Variants in DIS3L2 observed in about 807,000 individuals in gnomAD.
DIS3L2 encodes DIS3-like exonuclease 2.
DIS3L2 carries 34 observed loss-of-function variants against 97.5 expected under a neutral mutation model. That is an observed-to-expected ratio of 0.35 (90% CI 0.27 to 0.46). The LOEUF is 0.46. Among genes scored for constraint, DIS3L2 ranks in the 20% least tolerant of loss-of-function variants. The pLI is 1.00. For synonymous variants in DIS3L2, 435 were observed against 445.2 expected, an observed-to-expected ratio of 0.98 and a Z score of 0.29; for missense variants, 1,038 against 1,146.0, an observed-to-expected ratio of 0.91 and a Z score of 1.36.
intron 14 of DIS3L2, among the ~76,000 whole-genome samples, chr2:232,308,969 C>T (rs568947646): frequency 9.2e-5 from 14 of 152,238 alleles, no homozygotes; most frequent in South Asian, 2.1e-4. Flanking sequence ...GATTAATGTA[C>T]GAGAGGTGTT....
intron 1 of DIS3L2, among the ~76,000 whole-genome samples, chr2:231,973,231 A>G (rs1692973418): frequency 6.6e-6 from 1 of 152,170 alleles, no homozygotes; most frequent in South Asian, 2.1e-4. Context: ...TATTACTTGA[A>G]CGAACTTAAC....
chr2:232,315,927 A>T lies in DIS3L2; in HGVS notation c.1740-13886A>T, dbSNP rs187472529. 1.2e-3 allele frequency among the ~76,000 whole-genome samples: 185 copies of T among 152,126 alleles called. 2 individuals are homozygous for T. The highest frequency in any genetic ancestry group is 4.0e-3 in the African/African-American group (166 of 41,482). ...GCCAACCCCATGTGACCCCACACCT[A>T]CCCCAAAGCTAGGTGAGACCCAGGG... is the stretch of plus-strand genomic sequence containing the variant. On this transcript the variant is annotated intron_variant, in intron 14 of 20. Transcript: ENST00000325385.
intron 6 of DIS3L2, among the ~76,000 whole-genome samples, chr2:232,116,293 A>G (rs1019149809): frequency 3.3e-5 from 5 of 152,232 alleles, no homozygotes; most frequent in Admixed American, 1.3e-4. Context: ...CGAGCCAGTC[A>G]AGTAGCTCTT....
At chr2:232,130,780 A>T in intron 7 of DIS3L2, 61 bp downstream of exon 7, 2 of 1,596,030 alleles carry the variant, frequency 1.3e-6, no homozygotes, top group Non-Finnish European at 1.7e-6. Context: ...TACTTGTTGA[A>T]GATCTCGTGT....
At chr2:232,220,828 C>T (rs1369338083) in intron 10 of DIS3L2, among the ~76,000 whole-genome samples, 1 of 151,992 alleles carries the variant, frequency 6.6e-6, no homozygotes, top group Admixed American at 6.6e-5. Flanking sequence ...TTAGGCTGGG[C>T]ATGGTGGCTC....
chr2:231,984,659 C>T (rs1693361415), intron 1 of DIS3L2, among the ~76,000 whole-genome samples: 1 of 152,066 alleles, frequency 6.6e-6, no homozygotes, highest in East Asian at 1.9e-4. Flanking sequence ...TCCCAAAGTG[C>T]TGGGATTACA....
intron 13 of DIS3L2, among the ~76,000 whole-genome samples, chr2:232,278,449 G>A (rs540446382): frequency 2.0e-5 from 3 of 152,050 alleles, no homozygotes; most frequent in South Asian, 2.1e-4. Flanking sequence ...AAATTCCCAC[G>A]TGCCCCTCTG....
chr2:232,027,522 TAG>T (rs1382362899), intron 4 of DIS3L2, among the ~76,000 whole-genome samples: 1 of 152,172 alleles, frequency 6.6e-6, no homozygotes, highest in Non-Finnish European at 1.5e-5. Flanking sequence ...CTAAAGTTTT[TAG>T]AGAGACAAAA....
intron 9 of DIS3L2, among the ~76,000 whole-genome samples, chr2:232,169,509 A>G (rs907337669): frequency 2.0e-5 from 3 of 152,230 alleles, no homozygotes; most frequent in African/African-American, 7.2e-5. Flanking sequence ...TGCCAGGGTC[A>G]TTGGTGCATG....
chr2:232,166,646 G>A (rs1408696082), intron 9 of DIS3L2, among the ~76,000 whole-genome samples: 1 of 152,068 alleles, frequency 6.6e-6, no homozygotes, highest in Non-Finnish European at 1.5e-5. Flanking sequence ...AACCCGGGAG[G>A]CGGAGGTTGC....
intron 6 of DIS3L2, chr2:232,111,063 A>G: frequency 2.8e-6 from 1 of 360,320 alleles, no homozygotes; most frequent in Non-Finnish European, 5.7e-6. Flanking sequence ...TAGGAAATTA[A>G]TGATAGATGT....
intron 8 of DIS3L2, among the ~76,000 whole-genome samples, chr2:232,147,881 GA>G (rs751315585): frequency 4.6e-5 from 7 of 152,068 alleles, no homozygotes; most frequent in African/African-American, 7.2e-5. Flanking sequence ...TTTTCAAGGT[GA>G]CAGAAGAGTT....
At chr2:232,222,032 T>C (rs1444033331) in intron 10 of DIS3L2, among the ~76,000 whole-genome samples, 5 of 149,922 alleles carry the variant, frequency 3.3e-5, no homozygotes, top group Non-Finnish European at 5.9e-5. Flanking sequence ...AACCTCTGCT[T>C]CCTGGTTTCA....
At chr2:232,058,203 G>C (rs947201768) in intron 5 of DIS3L2, among the ~76,000 whole-genome samples, 2 of 152,218 alleles carry the variant, frequency 1.3e-5, no homozygotes, top group African/African-American at 4.8e-5. Flanking sequence ...GAGAGTGGTA[G>C]AGTCTTGAAG....
chr2:232,148,706 T>C (rs771834527), intron 8 of DIS3L2, among the ~76,000 whole-genome samples: 64 of 146,226 alleles, frequency 4.4e-4, no homozygotes, highest in Non-Finnish European at 8.2e-4. Context: ...TTTACAAAGC[T>C]CCAAAAAAGA....
intron 1 of DIS3L2, among the ~76,000 whole-genome samples, chr2:232,012,419 C>T (rs1694228283): frequency 6.6e-6 from 1 of 152,162 alleles, no homozygotes; most frequent in East Asian, 1.9e-4. Context: ...TCTCACTTAC[C>T]TGGCAGTAAC....
intron 6 of DIS3L2, among the ~76,000 whole-genome samples, chr2:232,129,663 G>A (rs1698164198): frequency 6.6e-6 from 1 of 152,160 alleles, no homozygotes; most frequent in Admixed American, 6.5e-5. Flanking sequence ...CGCCCAGAAT[G>A]GTAAAAGTTG....
chr2:232,304,190 C>T (rs1694932005), intron 14 of DIS3L2, among the ~76,000 whole-genome samples: 1 of 150,112 alleles, frequency 6.7e-6, no homozygotes, highest in African/African-American at 2.4e-5. Context: ...TTGCAGAAAA[C>T]TTTACCTGTC....
intron 5 of DIS3L2, among the ~76,000 whole-genome samples, chr2:232,075,466 C>T (rs1172276822): frequency 6.6e-6 from 1 of 152,082 alleles, no homozygotes; most frequent in Admixed American, 6.5e-5. Context: ...TTGAGTCTTC[C>T]CCAAGGGCTT....
Sources: gnomAD v4.1 joint callset for allele counts (sites outside exome capture counted in the v4.1 genomes callset) on GRCh38, gnomAD v4.1.1 for gene constraint, MANE v1.5 for transcripts, NCBI Gene and HGNC (gene_info 2026-07-23, HGNC 2026-07-21) for gene names.